TSPAN2: variants seen among roughly 807,000 people sequenced by gnomAD.
The protein encoded by TSPAN2 is tetraspanin-2.
Under a neutral mutation model 33.3 loss-of-function variants are expected in TSPAN2, and 24 were observed. The ratio of observed to expected loss-of-function variants is 0.72; its 90% confidence interval spans 0.52 to 1.01. TSPAN2 has a LOEUF of 1.01. TSPAN2 is among the 50% of genes least tolerant of loss of function. The pLI is 0.00. For synonymous variants in TSPAN2, 114 were observed against 104.5 expected (o/e 1.09, Z -0.56); for missense variants, 278 against 281.3 (o/e 0.99, Z 0.08).
chr1:115,081,137 C>T (rs970306195), intron 1 of TSPAN2, among the ~76,000 whole-genome samples: 1 of 152,240 alleles, frequency 6.6e-6, no homozygotes, highest in South Asian at 2.1e-4. Flanking sequence ...TGGGTGGAAT[C>T]TAGCAGAAAT....
chr1:115,070,760 A>C (rs1287454335), intron 2 of TSPAN2, among the ~76,000 whole-genome samples: 1 of 152,014 alleles, frequency 6.6e-6, no homozygotes. Context: ...GTTTAGAATG[A>C]CCTCTAATGC....
Position 115,058,906 on chromosome 1 carries a change from T to C in TSPAN2, c.421A>G (p.Thr141Ala). The change falls in exon 5 of 8, where the codon ACA (threonine) becomes GCA (alanine). Residue 141 changes from threonine (T) to alanine (A), a missense_variant. Coordinates refer to ENST00000369516, the MANE Select transcript of TSPAN2 (RefSeq NM_005725.6). ...YLKDRGKGNG[T>A]LITFHSTFQC... ...ACTGTTGAGTGGAAGGTGATGAGTG[T>C]CCCATTGCCTTTTCCCCTGTCTTTA... 1 of 1,613,722 alleles carries C rather than the reference T, an allele frequency of 6.2e-7. No homozygotes were observed. The highest frequency in any genetic ancestry group is 8.5e-7 in the Non-Finnish European group (1 of 1,179,608).
intron 1 of TSPAN2, among the ~76,000 whole-genome samples, chr1:115,089,061 C>T (rs543987434): frequency 6.6e-6 from 1 of 152,072 alleles, no homozygotes; most frequent in South Asian, 2.1e-4. Flanking sequence ...GCTGGGTCCC[C>T]GCACCTGGGG....
chr1:115,089,262 C>A lies in TSPAN2; in HGVS notation c.69+102G>T, dbSNP rs907346522. The A allele has an allele frequency of 9.6e-6, 10 of 1,046,168 alleles. No individual in the cohort carries two copies. In the Admixed American group the frequency reaches 2.6e-4, roughly 27 times the overall value. The allele number at this position is 1,046,168 out of a possible 1,614,324, so 64.8% of individuals were successfully genotyped here. The stretch of plus-strand genomic sequence containing the variant: ...GCGTTTGAGCACCCAGCCCTCCCCA[C>A]GAGCGCGACTCGGACGCCGCAGTCA... On this transcript the variant is annotated intron_variant, in intron 1 of 7. Coordinates refer to ENST00000369516, the MANE Select transcript of TSPAN2 (RefSeq NM_005725.6).
At chr1:115,061,426 C>A (rs1647713529) in intron 3 of TSPAN2, among the ~76,000 whole-genome samples, 1 of 152,108 alleles carries the variant, frequency 6.6e-6, no homozygotes, top group South Asian at 2.1e-4. Context: ...TTAAAATAAG[C>A]CACAAGAGGG....
At chr1:115,054,864 G>A (rs1647332833) in intron 6 of TSPAN2, among the ~76,000 whole-genome samples, 1 of 152,110 alleles carries the variant, frequency 6.6e-6, no homozygotes, top group African/African-American at 2.4e-5. Context: ...GCACCTACCT[G>A]TAATCCCAGC....
chr1:115,084,117 T>C (rs1007310832), intron 1 of TSPAN2, among the ~76,000 whole-genome samples: 1 of 152,242 alleles, frequency 6.6e-6, no homozygotes, highest in Non-Finnish European at 1.5e-5. Context: ...TGTGACTTTA[T>C]GAACCTCTTG....
In TSPAN2 at chr1:115,053,495, C is replaced by T. The variant is rs754421473; in HGVS notation, c.517-33G>A. ...GAGGAAAAAAAGTCGGGAATAAAAA[C>T]TGATTGTATGTGTCAGTCATTATCC... On this transcript the variant is annotated intron_variant, in intron 6 of 7. Coordinates refer to ENST00000369516, the MANE Select transcript of TSPAN2 (RefSeq NM_005725.6). The T allele has an allele frequency of 7.7e-6, 12 of 1,567,458 alleles. 1 individual carries two copies. In the South Asian group the frequency reaches 1.3e-4, roughly 17 times the overall value.
At position 115,050,172 on chromosome 1, in the gene TSPAN2, T is replaced by A; in HGVS notation, c.*318A>T. The A allele has an allele frequency of 3.6e-6, 1 of 279,318 alleles. No homozygotes were observed. The allele number at this position is 279,318 out of a possible 1,614,324, so 17.3% of individuals were successfully genotyped here. ...AGTTTCTGAAAGCTCTTTGATCTTTTTTTTCTGGGAGCGAAATAGGTTGTT... is the reference window on the plus strand; with the variant it reads ...AGTTTCTGAAAGCTCTTTGATCTTTATTTTCTGGGAGCGAAATAGGTTGTT... On this transcript the variant is annotated 3_prime_UTR_variant, in exon 8 of 8. Transcript: ENST00000369516.
intron 6 of TSPAN2, among the ~76,000 whole-genome samples, chr1:115,057,259 A>G (rs1304850123): frequency 6.6e-6 from 1 of 152,198 alleles, no homozygotes; most frequent in African/African-American, 2.4e-5. Flanking sequence ...TGGTGAAGCC[A>G]AAAACCCAGT....
intron 2 of TSPAN2, among the ~76,000 whole-genome samples, chr1:115,062,935 C>T (rs1647792638): frequency 6.6e-6 from 1 of 152,108 alleles, no homozygotes; most frequent in African/African-American, 2.4e-5. Context: ...TGCTTCCTGC[C>T]CCACCCGGAC....
At chr1:115,059,237 T>C (rs1390043584) in intron 4 of TSPAN2, among the ~76,000 whole-genome samples, 2 of 151,712 alleles carry the variant, frequency 1.3e-5, no homozygotes, top group Non-Finnish European at 2.9e-5. Flanking sequence ...GAGAACTTAC[T>C]CATGTAACCA....
intron 1 of TSPAN2, among the ~76,000 whole-genome samples, chr1:115,077,324 A>G (rs1361070884): frequency 2.7e-5 from 2 of 73,348 alleles, no homozygotes; most frequent in Non-Finnish European, 5.6e-5. Flanking sequence ...GAGGACAAGA[A>G]AAATACTTAA....
intron 7 of TSPAN2, among the ~76,000 whole-genome samples, chr1:115,050,987 A>AT (rs1343895759): frequency 6.6e-6 from 1 of 152,122 alleles, no homozygotes; most frequent in Non-Finnish European, 1.5e-5. Context: ...AAAAGCTCTG[A>AT]TTTTTTACAA....
At position 115,058,981 on chromosome 1, in the gene TSPAN2, CCTGAAG is replaced by C; in HGVS notation, c.346-6_346-1del. Reference sequence around the variant, plus strand: ...TACATGGTCTGAACATGTCGGATAGCCTGAAGAAATACAAGGAAAAATGAAGGACTT... The same window carrying C: ...TACATGGTCTGAACATGTCGGATAGCAAATACAAGGAAAAATGAAGGACTT... On this transcript the variant is annotated splice_acceptor_variant and splice_polypyrimidine_tract_variant and intron_variant, in intron 4 of 7. Coordinates refer to ENST00000369516, the MANE Select transcript of TSPAN2 (RefSeq NM_005725.6). LOFTEE classifies it high-confidence loss of function. 1 of 1,610,540 alleles carries C rather than the reference CCTGAAG, an allele frequency of 6.2e-7. No individual in the cohort carries two copies. The highest frequency in any genetic ancestry group is 2.2e-5 in the East Asian group (1 of 44,800).
chr1:115,067,511 C>G (rs1427636435), intron 2 of TSPAN2, among the ~76,000 whole-genome samples: 1 of 152,206 alleles, frequency 6.6e-6, no homozygotes, highest in Non-Finnish European at 1.5e-5. Context: ...CAACACCTCT[C>G]TGGTATACAG....
intron 6 of TSPAN2, among the ~76,000 whole-genome samples, chr1:115,054,914 G>A (rs888106567): frequency 6.6e-6 from 1 of 152,082 alleles, no homozygotes; most frequent in African/African-American, 2.4e-5. Flanking sequence ...TTGAACCTGG[G>A]AGGTGGAGGT....
At chr1:115,078,912 G>T (rs1648515171) in intron 1 of TSPAN2, among the ~76,000 whole-genome samples, 1 of 152,154 alleles carries the variant, frequency 6.6e-6, no homozygotes, top group Non-Finnish European at 1.5e-5. Flanking sequence ...ACCTTCGAAG[G>T]CACTGTGTGA....
At chr1:115,053,649 G>A (rs902582011) in intron 6 of TSPAN2, among the ~76,000 whole-genome samples, 187 bp from the exon 7 acceptor site, 1 of 151,994 alleles carries the variant, frequency 6.6e-6, no homozygotes, top group Non-Finnish European at 1.5e-5. Flanking sequence ...TGCAGTTTGG[G>A]GAAAAAAATA....
Sources: gnomAD v4.1 joint callset for allele counts (sites outside exome capture counted in the v4.1 genomes callset) on GRCh38, gnomAD v4.1.1 for gene constraint, MANE v1.5 for transcripts, NCBI Gene and HGNC (gene_info 2026-07-23, HGNC 2026-07-21) for gene names.